XIRP2: variants seen among roughly 807,000 people sequenced by gnomAD.
XIRP2 encodes the protein xin actin-binding repeat-containing protein 2.
In XIRP2, 236 loss-of-function variants were observed where a neutral mutation model predicts 277.0. The ratio of observed to expected loss-of-function variants is 0.85; its 90% confidence interval spans 0.77 to 0.95. The LOEUF (loss-of-function observed/expected upper bound fraction) is 0.95, where lower values mean the gene tolerates loss of function less well. XIRP2 is among the 40% of genes least tolerant of loss of function. The pLI, the probability that XIRP2 is intolerant of heterozygous loss-of-function variation, is 0.00. For synonymous variants in XIRP2, 1,490 were observed against 1,416.5 expected (o/e 1.05, Z -1.17); for missense variants, 4,640 against 4,157.5 (o/e 1.12, Z -3.19).
chr2:167,076,838 T>TG (rs1289201303), intron 2 of XIRP2, among the ~76,000 whole-genome samples: 1 of 152,124 alleles, frequency 6.6e-6, no homozygotes, highest in East Asian at 1.9e-4. Context: ...TATTTGGTTT[T>TG]GGGGGGATTT....
chr2:167,092,304 T>C (rs752734876), intron 2 of XIRP2, among the ~76,000 whole-genome samples: 165 of 152,256 alleles, frequency 1.1e-3, no homozygotes, highest in Non-Finnish European at 1.7e-3. Flanking sequence ...TGGCTCTCAT[T>C]AACAATTGCA....
chr2:166,950,576 T>C (rs1281380231), intron 2 of XIRP2, among the ~76,000 whole-genome samples: 1 of 152,108 alleles, frequency 6.6e-6, no homozygotes, highest in Non-Finnish European at 1.5e-5. Flanking sequence ...TGTATTAAAA[T>C]ATTTTTCCAA....
At chr2:167,035,973 C>A (rs1413553311) in intron 2 of XIRP2, among the ~76,000 whole-genome samples, 1 of 152,204 alleles carries the variant, frequency 6.6e-6, no homozygotes, top group East Asian at 1.9e-4. Context: ...CCAAGCTTGG[C>A]AGCTTCTACG....
chr2:167,115,863 A>T (rs1384282207), intron 2 of XIRP2, among the ~76,000 whole-genome samples: 1 of 151,850 alleles, frequency 6.6e-6, no homozygotes, highest in African/African-American at 2.4e-5. Flanking sequence ...ACTTTTTAAA[A>T]TTTTCTTTGA....
intron 1 of XIRP2, among the ~76,000 whole-genome samples, chr2:166,898,578 C>T (rs1245908659): frequency 6.6e-6 from 1 of 152,074 alleles, no homozygotes; most frequent in Non-Finnish European, 1.5e-5. Flanking sequence ...TATCTAGTTT[C>T]CTTCAGTAAT....
chr2:167,051,374 A>G (rs896862903), intron 2 of XIRP2, among the ~76,000 whole-genome samples: 14 of 152,180 alleles, frequency 9.2e-5, no homozygotes, highest in Admixed American at 3.3e-4. Flanking sequence ...CATGGTACAT[A>G]TAAAAGTAAC....
intron 3 of XIRP2, among the ~76,000 whole-genome samples, chr2:167,152,920 A>T (rs1053453463): frequency 1.3e-5 from 2 of 151,930 alleles, no homozygotes; most frequent in African/African-American, 4.8e-5. Flanking sequence ...AGATAAAATG[A>T]CCCCACATTT....
rs113337223 is a variant in XIRP2 at position 167,182,290 on chromosome 2, T to C, written c.563-28445T>C. ...GCTAGCTAATAATATGAAACTTTCA[T>C]ATTCATATGTTTGCTCTTTAATTCT... is the stretch of plus-strand genomic sequence containing the variant. On this transcript the variant is annotated intron_variant, in intron 3 of 10. Coordinates refer to ENST00000409195, the MANE Select transcript of XIRP2 (RefSeq NM_152381.6). Among the ~76,000 whole-genome samples, 598 of 152,332 alleles carry C rather than the reference T, an allele frequency of 3.9e-3. 5 individuals are homozygous for C. The highest frequency in any genetic ancestry group is 0.014 in the African/African-American group (581 of 41,586).
At chr2:167,112,585 A>G (rs998235781) in intron 2 of XIRP2, among the ~76,000 whole-genome samples, 16 of 145,818 alleles carry the variant, frequency 1.1e-4, no homozygotes, top group Non-Finnish European at 1.8e-4. Flanking sequence ...TTTATATATA[A>G]TATATATAAA....
At chr2:167,103,195 A>AG (rs768497504) in intron 2 of XIRP2, among the ~76,000 whole-genome samples, 26 of 152,092 alleles carry the variant, frequency 1.7e-4, no homozygotes, top group Non-Finnish European at 3.5e-4. Context: ...GAGAGGGTTG[A>AG]GGGGAGAATA....
At chr2:167,059,804 T>C (rs1220034775) in intron 2 of XIRP2, among the ~76,000 whole-genome samples, 1 of 152,192 alleles carries the variant, frequency 6.6e-6, no homozygotes, top group Non-Finnish European at 1.5e-5. Context: ...AAATCTGGTC[T>C]TGGCGGTGTG....
intron 2 of XIRP2, among the ~76,000 whole-genome samples, chr2:167,089,074 C>G (rs1690063617): frequency 6.6e-6 from 1 of 152,104 alleles, no homozygotes; most frequent in Non-Finnish European, 1.5e-5. Flanking sequence ...CTACCACAAT[C>G]CTGTCAACTT....
chr2:167,179,323 G>GTTTTTTTTTTTC (rs1553496043), intron 3 of XIRP2, among the ~76,000 whole-genome samples: 28 of 120,502 alleles, frequency 2.3e-4, no homozygotes, highest in Middle Eastern at 4.7e-3. Context: ...TTTTTTTCTT[G>GTTTTTTTTTTTC]TTTTTTTTTT....
rs751751202 is a variant in XIRP2, at chr2:167,242,829, T to C, written c.1437T>C (p.Pro479=). Residue 479 remains proline (P), a synonymous_variant, in exon 9 of 11, where the codon CCT becomes CCC. Transcript: ENST00000409195. ...AGTCCCCTGAACTGCCCAGTCCTCCTAGAAGACTACCAGTCCCCAAAGATG... is the reference window on the plus strand; with the variant it reads ...AGTCCCCTGAACTGCCCAGTCCTCCCAGAAGACTACCAGTCCCCAAAGATG... ...FSQSPELPSP[P]RRLPVPKDVY... 1.1e-5 allele frequency: 18 copies of C among 1,614,146 alleles called. No individual in the cohort carries two copies. The highest frequency in any genetic ancestry group is 1.6e-4 in the Middle Eastern group (1 of 6,062).
At chr2:167,002,921 G>A (rs1687409965) in intron 2 of XIRP2, among the ~76,000 whole-genome samples, 1 of 151,872 alleles carries the variant, frequency 6.6e-6, no homozygotes, top group South Asian at 2.1e-4. Context: ...TGGATTGTCA[G>A]ATGCTCATGG....
intron 2 of XIRP2, among the ~76,000 whole-genome samples, chr2:166,979,572 T>C (rs1468584377): frequency 6.6e-6 from 1 of 151,962 alleles, no homozygotes; most frequent in Non-Finnish European, 1.5e-5. Context: ...ATTCTTTGTT[T>C]CTGCAACGGT....
chr2:167,009,105 C>T lies in XIRP2; in HGVS notation c.408+105215C>T, dbSNP rs374898903. On this transcript the variant is annotated intron_variant, in intron 2 of 10. Transcript: ENST00000409195. ...CATTTTAAGTTTTAGGGTACATGTGCACAATGTGCAGGTTAGTTACATATG... is the reference window on the plus strand; with the variant it reads ...CATTTTAAGTTTTAGGGTACATGTGTACAATGTGCAGGTTAGTTACATATG... 6.2e-3 allele frequency among the ~76,000 whole-genome samples: 936 copies of T among 151,546 alleles called. 3 individuals are homozygous for T. The highest frequency in any genetic ancestry group is 0.019 in the South Asian group (90 of 4,788).
chr2:167,259,090 G>T lies in XIRP2; in HGVS notation c.*1273G>T. ...CCGTGAAAATCACTGCATTTTCCAA[G>T]AAAAATGAGAACATTTTCAATTGTG... On this transcript the variant is annotated 3_prime_UTR_variant, in exon 11 of 11. Transcript: ENST00000409195. 6.2e-7 allele frequency: 1 copy of T among 1,611,244 alleles called. No homozygotes were observed.
At chr2:167,226,186 A>G (rs994588039) in intron 5 of XIRP2, among the ~76,000 whole-genome samples, 5 of 152,198 alleles carry the variant, frequency 3.3e-5, no homozygotes, top group South Asian at 2.1e-4. Flanking sequence ...TTGGAGATAC[A>G]TATTTCAGGA....
Sources: allele counts gnomAD v4.1 joint callset (sites outside exome capture counted in the v4.1 genomes callset), GRCh38; gene constraint gnomAD v4.1.1; transcripts MANE v1.5; gene names NCBI Gene and HGNC (gene_info 2026-07-23, HGNC 2026-07-21).